The following SHB variants were observed in gnomAD, a reference collection of about 807,000 sequenced individuals.
SHB encodes SH2 domain-containing adapter protein B.
SHB carries 20 observed loss-of-function variants against 52.3 expected under a neutral mutation model. That is an observed-to-expected ratio of 0.38 (90% confidence interval 0.27 to 0.56). SHB has a LOEUF of 0.56. Among genes scored for constraint, SHB ranks in the 20% least tolerant of loss-of-function variants. The probability of loss-of-function intolerance (pLI) is 0.71; values close to 1 mark genes in which losing one functional copy is unlikely to be tolerated. For synonymous variants in SHB, 397 were observed against 316.5 expected, an observed-to-expected ratio of 1.25 and a Z score of -2.70; for missense variants, 825 against 723.3, an observed-to-expected ratio of 1.14 and a Z score of -1.61.
intron 2 of SHB, among the ~76,000 whole-genome samples, chr9:37,998,602 G>A (rs1313535730): frequency 2.6e-5 from 4 of 152,130 alleles, no homozygotes; most frequent in East Asian, 1.9e-4. Context: ...ACAGGCACAC[G>A]CCACCACGCC....
chr9:38,033,716 G>T (rs554382488), intron 1 of SHB, among the ~76,000 whole-genome samples: 1 of 152,070 alleles, frequency 6.6e-6, no homozygotes, highest in East Asian at 1.9e-4. Flanking sequence ...CACAACTAGA[G>T]CTGTTGCAGC....
chr9:37,994,581 T>C (rs900345141), intron 2 of SHB, among the ~76,000 whole-genome samples: 2 of 152,194 alleles, frequency 1.3e-5, no homozygotes, highest in Non-Finnish European at 2.9e-5. Flanking sequence ...ACCTCTGTTG[T>C]GGAGTGGGGA....
intron 2 of SHB, among the ~76,000 whole-genome samples, chr9:37,987,941 T>C (rs1587231129): frequency 1.3e-5 from 2 of 152,070 alleles, no homozygotes; most frequent in African/African-American, 4.8e-5. Flanking sequence ...TCTACCTATA[T>C]ACCCTGGGGG....
At chr9:38,022,226 T>C (rs937962110) in intron 1 of SHB, among the ~76,000 whole-genome samples, 4 of 152,124 alleles carry the variant, frequency 2.6e-5, no homozygotes, top group African/African-American at 9.7e-5. Context: ...GTTGAGCACA[T>C]CATAGGAAGG....
At chr9:38,015,159 G>A (rs1416828253) in intron 2 of SHB, among the ~76,000 whole-genome samples, 1 of 152,226 alleles carries the variant, frequency 6.6e-6, no homozygotes, top group Non-Finnish European at 1.5e-5. Flanking sequence ...GGCACTGCCT[G>A]TGTGGGGTCA....
rs1822011170 is a variant in SHB at position 38,068,612 on chromosome 9, C to T, written c.34G>A (p.Gly12Ser). ...AKWLNKYFSL[G>S]NSKTKSPPQP... ...GGGGGGCTCTTGGTCTTGCTGTTGC[C>T]CAAGCTGAAGTACTTGTTTAGCCAC... Residue 12 changes from glycine to serine, a missense_variant, in exon 1 of 6, where the codon GGC (glycine) becomes AGC (serine). Gly to Ser is a moderately conservative substitution (Grantham distance 56, BLOSUM62 0). Transcript: ENST00000377707. The T allele has an allele frequency of 6.7e-7, 1 of 1,491,556 alleles. No individual in the cohort carries two copies. The highest frequency in any genetic ancestry group is 1.5e-5 in the African/African-American group (1 of 68,398). The allele number at this position is 1,491,556 out of a possible 1,614,324, so 92.4% of individuals were successfully genotyped here.
At position 37,925,879 on chromosome 9, in the gene SHB, G is replaced by C. The variant is rs1181651949; in HGVS notation, c.1347-5875C>G. On this transcript the variant is annotated intron_variant, in intron 5 of 5. Transcript: ENST00000377707. The stretch of plus-strand genomic sequence containing the variant: ...AAGTGCACTCAACCATCAGTTGCCA[G>C]ATAATTCTCAGGTGAGGGAGGTGTC... Among the ~76,000 whole-genome samples, 8 of 152,220 alleles carry C rather than the reference G, an allele frequency of 5.3e-5. No homozygotes were observed. The South Asian group carries it at 1.2e-3, about 24-fold the overall frequency.
intron 2 of SHB, among the ~76,000 whole-genome samples, chr9:38,012,767 C>T (rs556336015): frequency 6.6e-6 from 1 of 150,528 alleles, no homozygotes; most frequent in African/African-American, 2.4e-5. Flanking sequence ...TTCTTGTCAG[C>T]GTTATGCTTA....
At chr9:38,045,015 C>A (rs966017759) in intron 1 of SHB, among the ~76,000 whole-genome samples, 2 of 152,228 alleles carry the variant, frequency 1.3e-5, no homozygotes, top group African/African-American at 4.8e-5. Flanking sequence ...GTGTGACACA[C>A]AAGTGAAGAC....
intron 1 of SHB, among the ~76,000 whole-genome samples, chr9:38,027,448 T>C (rs1360256185): frequency 6.6e-6 from 1 of 152,038 alleles, no homozygotes; most frequent in African/African-American, 2.4e-5. Flanking sequence ...GCTGCTCTTA[T>C]CCTCTAGAGG....
chr9:37,999,926 T>C (rs1224408414), intron 2 of SHB, among the ~76,000 whole-genome samples: 1 of 152,228 alleles, frequency 6.6e-6, no homozygotes, highest in Non-Finnish European at 1.5e-5. Context: ...CCATGCCCTC[T>C]ACCCCCAGCC....
At chr9:37,973,513 G>A (rs1020961057) in intron 3 of SHB, among the ~76,000 whole-genome samples, 4 of 152,158 alleles carry the variant, frequency 2.6e-5, no homozygotes, top group African/African-American at 4.8e-5. Flanking sequence ...GTGAGCCACC[G>A]CGCCCGGCCT....
intron 2 of SHB, among the ~76,000 whole-genome samples, chr9:37,977,218 A>T (rs1820666846): frequency 6.6e-6 from 1 of 152,182 alleles, no homozygotes; most frequent in African/African-American, 2.4e-5. Context: ...AATAGATACT[A>T]AGCAGAATGA....
chr9:37,988,284 T>C (rs1820836484), intron 2 of SHB, among the ~76,000 whole-genome samples: 1 of 152,086 alleles, frequency 6.6e-6, no homozygotes, highest in African/African-American at 2.4e-5. Context: ...TGTGTGACCT[T>C]GGCCAGCTGC....
intron 5 of SHB, among the ~76,000 whole-genome samples, chr9:37,927,139 G>A (rs1216256317): frequency 4.6e-5 from 7 of 152,272 alleles, no homozygotes; most frequent in Non-Finnish European, 8.8e-5. Flanking sequence ...CAGGATGTAA[G>A]TGCATCTCAC....
intron 1 of SHB, among the ~76,000 whole-genome samples, chr9:38,055,621 C>A (rs767837782): frequency 6.6e-6 from 1 of 152,160 alleles, no homozygotes; most frequent in African/African-American, 2.4e-5. Context: ...GAGTCATTTA[C>A]CTGCCTGCCT....
At position 37,957,362 on chromosome 9, in the gene SHB, C is replaced by T. The variant is rs1175384384; in HGVS notation, c.1055-1308G>A. On this transcript the variant is annotated intron_variant, in intron 3 of 5. Coordinates refer to ENST00000377707, the MANE Select transcript of SHB (RefSeq NM_003028.3). Reference sequence around the variant, plus strand: ...ACCTCAGCGCTGGCGGGGTAACGTGCTGTCTGCTGAAACCGAGGAGCGTGA... The same window carrying T: ...ACCTCAGCGCTGGCGGGGTAACGTGTTGTCTGCTGAAACCGAGGAGCGTGA... Among the ~76,000 whole-genome samples, 4 of 152,244 alleles carry T rather than the reference C, an allele frequency of 2.6e-5. No individual in the cohort carries two copies. The East Asian group carries it at 7.7e-4, about 29-fold the overall frequency.
In SHB at chr9:38,051,357, C is replaced by T. The variant is rs1391462751; in HGVS notation, c.717+16572G>A. Among the ~76,000 whole-genome samples, 4 of 150,396 alleles carry T rather than the reference C, an allele frequency of 2.7e-5. No individual in the cohort carries two copies. In the Admixed American group the frequency reaches 2.7e-4, roughly 10 times the overall value. ...ACTCGGGAGGCTGAGGCAGGAGAAT[C>T]GCCTGAACCAGGGAGTCAGAGGTTG... is the stretch of plus-strand genomic sequence containing the variant. On this transcript the variant is annotated intron_variant, in intron 1 of 5. Coordinates refer to ENST00000377707, the MANE Select transcript of SHB (RefSeq NM_003028.3).
chr9:37,986,910 C>T (rs1453449830), intron 2 of SHB, among the ~76,000 whole-genome samples: 3 of 152,234 alleles, frequency 2.0e-5, no homozygotes, highest in Non-Finnish European at 4.4e-5. Context: ...GCACGAAGGG[C>T]CAGCGCCCCA....
Sources: gnomAD v4.1 joint callset for allele counts (sites outside exome capture counted in the v4.1 genomes callset) on GRCh38, gnomAD v4.1.1 for gene constraint, MANE v1.5 for transcripts, NCBI Gene and HGNC (gene_info 2026-07-23, HGNC 2026-07-21) for gene names.